The following NFIB variants were observed in gnomAD, a reference collection of about 807,000 sequenced individuals.
NFIB encodes the protein nuclear factor I B.
A neutral mutation model predicts 61.5 loss-of-function variants in NFIB; 11 were observed. The observed-to-expected ratio is 0.18, with a 90% CI of 0.11 to 0.30. The LOEUF is 0.30. NFIB is among the 10% of genes least tolerant of loss of function. NFIB has a pLI of 1.00. For missense variants in NFIB, 471 were observed against 608.9 expected (o/e 0.77, Z 2.38); for synonymous variants, 260 against 216.5 (o/e 1.20, Z -1.76).
intron 2 of NFIB, among the ~76,000 whole-genome samples, chr9:14,234,640 G>A (rs2053555321): frequency 6.6e-6 from 1 of 150,516 alleles, no homozygotes; most frequent in Non-Finnish European, 1.5e-5. Flanking sequence ...GTGATTACAG[G>A]TGTGAGCCAC....
At chr9:14,231,620 T>C (rs1027149726) in intron 2 of NFIB, among the ~76,000 whole-genome samples, 2 of 152,216 alleles carry the variant, frequency 1.3e-5, no homozygotes, top group Admixed American at 6.5e-5. Context: ...TTTGAAGGTA[T>C]ATTTTCTACC....
At chr9:14,202,586 A>G (rs2049165550) in intron 2 of NFIB, among the ~76,000 whole-genome samples, 1 of 152,214 alleles carries the variant, frequency 6.6e-6, no homozygotes, top group Non-Finnish European at 1.5e-5. Context: ...AGAAAAAACA[A>G]AAGCTAATTT....
chr9:14,141,952 C>CA (rs1180855885), intron 6 of NFIB, among the ~76,000 whole-genome samples: 1 of 147,836 alleles, frequency 6.8e-6, no homozygotes, highest in Non-Finnish European at 1.5e-5. Flanking sequence ...CTGCATACTG[C>CA]AAATATATTT....
chr9:14,347,305 GCA>G (rs1697021055), intron 1 of NFIB: 2 of 152,278 alleles, frequency 1.3e-5, no homozygotes, highest in South Asian at 4.1e-4. Context: ...TCCGTCCCCT[GCA>G]CAGTCAGTGC....
At chr9:14,377,605 A>C (rs1276521439) in intron 1 of NFIB, among the ~76,000 whole-genome samples, 1 of 152,196 alleles carries the variant, frequency 6.6e-6, no homozygotes, top group Non-Finnish European at 1.5e-5. Context: ...GGAAGAGAAT[A>C]CTGTATTTTT....
At chr9:14,459,422 A>C in the NFIB span, among the ~76,000 whole-genome samples, 2 of 152,222 alleles carry the variant, frequency 1.3e-5, no homozygotes, top group Admixed American at 1.3e-4. Context: ...CCCTAGAAGA[A>C]AACCTAGGCA....
intron 1 of NFIB, among the ~76,000 whole-genome samples, chr9:14,392,717 TCA>T (rs1564054901): frequency 6.7e-6 from 1 of 150,048 alleles, no homozygotes; most frequent in African/African-American, 2.5e-5. Context: ...AGACCTTGTC[TCA>T]AAAAAAAAAA....
chr9:14,271,421 A>G (rs1471338237), intron 2 of NFIB, among the ~76,000 whole-genome samples: 1 of 152,012 alleles, frequency 6.6e-6, no homozygotes, highest in East Asian at 1.9e-4. Flanking sequence ...GCTATTAGCA[A>G]GTGAAGCACA....
chr9:14,084,522 T>C lies in NFIB; in HGVS notation c.*3787A>G, dbSNP rs1387050824. On this transcript the variant is annotated 3_prime_UTR_variant, in exon 11 of 11. Transcript: ENST00000380953. ...AGTCTCCTTCACTGCCTTTTATTTT[T>C]TTCCTTAGACAAGCCTCAAATGCTC... is the stretch of plus-strand genomic sequence containing the variant. The C allele has an allele frequency of 8.8e-6, 2 of 226,040 alleles. No homozygotes were observed. Among genetic ancestry groups the C allele is most frequent in the Admixed American group, 1.1e-4 (2 of 17,492 alleles). The allele number at this position is 226,040 out of a possible 1,614,324, so 14.0% of individuals were successfully genotyped here.
At chr9:14,290,873 T>C (rs957833218) in intron 2 of NFIB, among the ~76,000 whole-genome samples, 1 of 152,064 alleles carries the variant, frequency 6.6e-6, no homozygotes, top group African/African-American at 2.4e-5. Context: ...ATTCAACAAA[T>C]ACATATTATC....
chr9:14,306,354 A>G (rs917768445), intron 2 of NFIB, among the ~76,000 whole-genome samples: 3 of 152,240 alleles, frequency 2.0e-5, no homozygotes, highest in African/African-American at 7.2e-5. Context: ...TTTAAATAAT[A>G]ACTCAATTCC....
chr9:14,093,818 T>G (rs1242977403), intron 10 of NFIB, among the ~76,000 whole-genome samples: 1 of 152,060 alleles, frequency 6.6e-6, no homozygotes, highest in African/African-American at 2.4e-5. Context: ...GGCTGCAGAT[T>G]ACGTCTTGTG....
chr9:14,209,596 G>C (rs918346995), intron 2 of NFIB, among the ~76,000 whole-genome samples: 8 of 152,310 alleles, frequency 5.3e-5, no homozygotes, highest in Admixed American at 1.3e-4. Context: ...TGAAACAGCA[G>C]GCAGCCTGTA....
intron 8 of NFIB, among the ~76,000 whole-genome samples, chr9:14,119,610 T>C (rs1004904592): frequency 3.3e-5 from 5 of 152,152 alleles, no homozygotes; most frequent in African/African-American, 9.7e-5. Flanking sequence ...TTCTCCAAAA[T>C]ATTAAAAGGT....
rs1221388563 is a variant in NFIB at position 14,207,475 on chromosome 9, A to G, written c.563-27695T>C. Among the ~76,000 whole-genome samples, 7 of 152,372 alleles carry G rather than the reference A, an allele frequency of 4.6e-5. No individual in the cohort carries two copies. In the East Asian group the frequency reaches 9.7e-4, roughly 21 times the overall value. ...CAAACTGGGAGGAGGATGAGACCAG[A>G]AAACCCCTTTTGCCCATAGCATGCC... On this transcript the variant is annotated intron_variant, in intron 2 of 10. Coordinates refer to ENST00000380953, the MANE Select transcript of NFIB (RefSeq NM_001190737.2).
At chr9:14,262,346 G>C (rs1258874680) in intron 2 of NFIB, among the ~76,000 whole-genome samples, 1 of 152,122 alleles carries the variant, frequency 6.6e-6, no homozygotes, top group East Asian at 1.9e-4. Context: ...TGGCTGTTTT[G>C]CCTCCAGTAA....
the NFIB span, among the ~76,000 whole-genome samples, chr9:14,464,718 G>C: frequency 2.0e-5 from 3 of 152,078 alleles, no homozygotes; most frequent in Non-Finnish European, 4.4e-5. Flanking sequence ...TGTTCTGATG[G>C]ACCAGAACCC....
chr9:14,517,778 T>A, the NFIB span, among the ~76,000 whole-genome samples: 1 of 152,220 alleles, frequency 6.6e-6, no homozygotes, highest in Non-Finnish European at 1.5e-5. Context: ...TACAGCATGA[T>A]GCCTTTTTCC....
intron 6 of NFIB, among the ~76,000 whole-genome samples, chr9:14,139,427 T>G (rs2041440331): frequency 6.6e-6 from 1 of 152,216 alleles, no homozygotes; most frequent in Admixed American, 6.5e-5. Flanking sequence ...ATAAAACCTT[T>G]TCTTATGCAG....
Sources: gnomAD v4.1 joint callset for allele counts (sites outside exome capture counted in the v4.1 genomes callset) on GRCh38, gnomAD v4.1.1 for gene constraint, MANE v1.5 for transcripts, NCBI Gene and HGNC (gene_info 2026-07-23, HGNC 2026-07-21) for gene names.